The following PELO variants were observed in gnomAD, a reference collection of about 807,000 sequenced individuals.
PELO encodes protein pelota homolog.
PELO carries 19 observed loss-of-function variants against 25.9 expected under a neutral mutation model. The observed-to-expected ratio is 0.73, with a 90% CI of 0.51 to 1.08. PELO has a LOEUF of 1.08. PELO is among the 50% of genes least tolerant of loss of function. The pLI is 0.00. For missense variants in PELO, 498 were observed against 491.4 expected, an observed-to-expected ratio of 1.01 and a Z score of -0.13; for synonymous variants, 196 against 192.2, an observed-to-expected ratio of 1.02 and a Z score of -0.16.
chr5:52,791,391 A>T (rs1343741981), intron 1 of PELO, among the ~76,000 whole-genome samples: 1 of 152,144 alleles, frequency 6.6e-6, no homozygotes, highest in East Asian at 1.9e-4. Context: ...TAGTTATGGG[A>T]GGGTGGCCAT....
intron 1 of PELO, among the ~76,000 whole-genome samples, chr5:52,792,742 C>T (rs906067981): frequency 2.0e-5 from 3 of 152,054 alleles, no homozygotes; most frequent in Non-Finnish European, 4.4e-5. Flanking sequence ...TATTCTTTAC[C>T]TACACTTCTC....
intron 1 of PELO, among the ~76,000 whole-genome samples, chr5:52,790,601 T>C (rs1748219028): frequency 6.6e-6 from 1 of 152,220 alleles, no homozygotes; most frequent in Admixed American, 6.5e-5. Context: ...GGTAGAATCT[T>C]CAGATCTTCC....
chr5:52,796,963 G>A (rs1468021918), intron 1 of PELO, among the ~76,000 whole-genome samples: 4 of 152,056 alleles, frequency 2.6e-5, no homozygotes, highest in Non-Finnish European at 5.9e-5. Flanking sequence ...AGGGAACAAA[G>A]GTTACTTTCA....
Position 52,789,576 on chromosome 5 carries a change from C to A in PELO, c.-511+1162C>A, listed in dbSNP as rs376201319. On this transcript the variant is annotated intron_variant, in intron 1 of 2. Coordinates refer to ENST00000274311, the MANE Select transcript of PELO (RefSeq NM_015946.5). ...TAATAATTAGCTACTGGCTTTTCAT[C>A]CAAACATTTCCCACTACTCAGGAAA... Among the ~76,000 whole-genome samples, 6 of 152,294 alleles carry A rather than the reference C, an allele frequency of 3.9e-5. No homozygotes were observed. In the East Asian group the frequency reaches 1.2e-3, roughly 29 times the overall value.
Position 52,801,484 on chromosome 5 carries a change from G to C in PELO, c.802G>C (p.Asp268His). Residue 268 changes from aspartate to histidine, a missense_variant, in exon 3 of 3, where the codon GAC becomes CAC. Physicochemically the swap from Asp to His is moderately conservative, Grantham distance 81 (BLOSUM62 -1). Transcript: ENST00000274311. ...CDPTVASRLS[D>H]TKAAGEVKAL... is the part of the protein sequence containing the mutation. The stretch of plus-strand genomic sequence containing the variant: ...CCCTACTGTGGCTAGCCGCCTTTCA[G>C]ACACTAAAGCTGCTGGGGAAGTCAA... 1 of 1,614,098 alleles carries C rather than the reference G, an allele frequency of 6.2e-7. No homozygotes were observed. Among genetic ancestry groups the C allele is most frequent in the Non-Finnish European group, 8.5e-7 (1 of 1,179,972 alleles).
Position 52,788,365 on chromosome 5 carries a change from G to A in PELO, c.-560G>A. 2 of 1,511,290 alleles carry A rather than the reference G, an allele frequency of 1.3e-6. No homozygotes were observed. The highest frequency in any genetic ancestry group is 1.4e-5 in the African/African-American group (1 of 69,618). The allele number at this position is 1,511,290 out of a possible 1,614,324, so 93.6% of individuals were successfully genotyped here. On this transcript the variant is annotated 5_prime_UTR_variant, in exon 1 of 3. Coordinates refer to ENST00000274311, the MANE Select transcript of PELO (RefSeq NM_015946.5). ...AGGCTGCTCCGGCCATGGCCCCTCG[G>A]CCCCGCGCCCGCCCAGGGGTCGCTG... is the stretch of plus-strand genomic sequence containing the variant.
chr5:52,797,956 A>G (rs1748377191), intron 1 of PELO, among the ~76,000 whole-genome samples: 1 of 152,172 alleles, frequency 6.6e-6, no homozygotes, highest in South Asian at 2.1e-4. Flanking sequence ...AGACTATGGG[A>G]AAGATAAATT....
rs1447210749 is a variant in PELO at position 52,788,162 on chromosome 5, G to A, written c.-763G>A. 6.6e-6 allele frequency: 3 copies of A among 457,784 alleles called. No homozygotes were observed. Among genetic ancestry groups the A allele is most frequent in the Non-Finnish European group, 1.2e-5 (3 of 257,594 alleles). The allele number at this position is 457,784 out of a possible 1,614,324, so 28.4% of individuals were successfully genotyped here. A position where few individuals can be genotyped will look rare whatever the true frequency, so the allele number is the denominator to read the frequency against. On this transcript the variant is annotated 5_prime_UTR_variant, in exon 1 of 3. Transcript: ENST00000274311. ...ATCCGTCTGGGATGTGAAAAGCGTG[G>A]AGCGCATTTAGAGGAATTCGACGAA...
rs202063626 is a variant in PELO, at chr5:52,800,788, G to A, written c.394G>A (p.Ala132Thr). ...GCGCATCGAGCAGGCCTGTGACCCA[G>A]CCTGGAGCGCTGATGTGGCGGCTGT... ...LERIEQACDP[A>T]WSADVAAVVM... Residue 132 changes from alanine to threonine, a missense_variant, in exon 2 of 3, where the codon GCC becomes ACC. Physicochemically the swap from Ala to Thr is moderately conservative, Grantham distance 58 (BLOSUM62 0). Coordinates refer to ENST00000274311, the MANE Select transcript of PELO (RefSeq NM_015946.5). 2 of 1,613,600 alleles carry A rather than the reference G, an allele frequency of 1.2e-6. No homozygotes were observed. Among genetic ancestry groups the A allele is most frequent in the Non-Finnish European group, 1.7e-6 (2 of 1,179,614 alleles).
In PELO at chr5:52,800,796, C is replaced by T. The variant is rs1748460383; in HGVS notation, c.402C>T (p.Ser134=). 6.2e-7 allele frequency: 1 copy of T among 1,612,802 alleles called. No individual in the cohort carries two copies. The highest frequency in any genetic ancestry group is 8.5e-7 in the Non-Finnish European group (1 of 1,179,110). The change falls in exon 2 of 3, where the codon AGC becomes AGT. Residue 134 remains serine, a synonymous_variant. Coordinates refer to ENST00000274311, the MANE Select transcript of PELO (RefSeq NM_015946.5). The part of the protein sequence containing the change: ...RIEQACDPAW[S]ADVAAVVMQE... ...AGCAGGCCTGTGACCCAGCCTGGAG[C>T]GCTGATGTGGCGGCTGTGGTCATGC...
rs746771194 is a variant in PELO, at chr5:52,801,862, A to G, written c.*22A>G. On this transcript the variant is annotated 3_prime_UTR_variant, in exon 3 of 3. Coordinates refer to ENST00000274311, the MANE Select transcript of PELO (RefSeq NM_015946.5). Reference sequence around the variant, plus strand: ...TTAATGATTGAAACTTAAAATTGAGACAATCTTGTGTTTCCTAAACTGTTA... The same window carrying G: ...TTAATGATTGAAACTTAAAATTGAGGCAATCTTGTGTTTCCTAAACTGTTA... 1 of 1,528,180 alleles carries G rather than the reference A, an allele frequency of 6.5e-7. No individual in the cohort carries two copies. Among genetic ancestry groups the G allele is most frequent in the Non-Finnish European group, 8.9e-7 (1 of 1,128,676 alleles). The allele number at this position is 1,528,180 out of a possible 1,614,324, so 94.7% of individuals were successfully genotyped here. A position where few individuals can be genotyped will look rare whatever the true frequency, so the allele number is the denominator to read the frequency against.
At position 52,800,556 on chromosome 5, in the gene PELO, C is replaced by T. The variant is rs774441545; in HGVS notation, c.162C>T (p.Gly54=). The stretch of plus-strand genomic sequence containing the variant: ...AGGTACAGACAGAGTCCTCCACGGG[C>T]AGCGTGGGCAGCAACCGGGTCCGCA... ...IRKVQTESST[G]SVGSNRVRTT... The change falls in exon 2 of 3, where the codon GGC becomes GGT. Residue 54 remains glycine, a synonymous_variant. Transcript: ENST00000274311. 4 of 1,613,604 alleles carry T rather than the reference C, an allele frequency of 2.5e-6. No homozygotes were observed. The highest frequency in any genetic ancestry group is 3.4e-6 in the Non-Finnish European group (4 of 1,179,692).
At position 52,801,939 on chromosome 5, in the gene PELO, T is replaced by G. The variant is rs180858769; in HGVS notation, c.*99T>G. ...CAGAAAGCTGCAAGAATGGCACTTT[T>G]TGATTCATACAGGGATTTCTTATGT... On this transcript the variant is annotated 3_prime_UTR_variant, in exon 3 of 3. Coordinates refer to ENST00000274311, the MANE Select transcript of PELO (RefSeq NM_015946.5). 334 of 835,018 alleles carry G rather than the reference T, an allele frequency of 4.0e-4. 2 individuals carry two copies. In the East Asian group the frequency reaches 8.3e-3, roughly 21 times the overall value. 51.7% of individuals were successfully genotyped at this position (835,018 alleles called of 1,614,324 possible).
At chr5:52,789,482 G>A (rs1056016218) in intron 1 of PELO, among the ~76,000 whole-genome samples, 1 of 152,194 alleles carries the variant, frequency 6.6e-6, no homozygotes, top group Admixed American at 6.5e-5. Flanking sequence ...TAAGTTTTAT[G>A]AAGATGATTT....
rs1261840852 is a variant in PELO, at chr5:52,801,877, CTAAACTGTTACAG to C, written c.*40_*52del. 1 of 1,463,510 alleles carries C rather than the reference CTAAACTGTTACAG, an allele frequency of 6.8e-7. No homozygotes were observed. The highest frequency in any genetic ancestry group is 1.4e-5 in the African/African-American group (1 of 71,632). 90.7% of individuals were successfully genotyped at this position (1,463,510 alleles called of 1,614,324 possible). On this transcript the variant is annotated 3_prime_UTR_variant, in exon 3 of 3. Transcript: ENST00000274311. ...TAAAATTGAGACAATCTTGTGTTTC[CTAAACTGTTACAG>C]TACATTTCTCAGCATCCTTGTGACA...
At chr5:52,796,336 A>G (rs1241537667) in intron 1 of PELO, among the ~76,000 whole-genome samples, 2 of 151,948 alleles carry the variant, frequency 1.3e-5, no homozygotes, top group Non-Finnish European at 2.9e-5. Flanking sequence ...TGGAGAGATT[A>G]ATATAAATAA....
intron 1 of PELO, among the ~76,000 whole-genome samples, chr5:52,792,844 G>A (rs1018395306): frequency 6.6e-6 from 1 of 152,160 alleles, no homozygotes; most frequent in Non-Finnish European, 1.5e-5. Flanking sequence ...CAGTGCTAAA[G>A]TCAGAATAGA....
chr5:52,788,580 G>T (rs1339972303), intron 1 of PELO, among the ~76,000 whole-genome samples, 166 bp downstream of exon 1: 1 of 152,216 alleles, frequency 6.6e-6, no homozygotes, highest in African/African-American at 2.4e-5. Flanking sequence ...GGAGTTTCGC[G>T]TTCTGGTTTT....
rs556146280 is a variant in PELO, at chr5:52,800,146, G to T, written c.-249G>T. The T allele has an allele frequency of 1.2e-4, 64 of 534,538 alleles. No individual in the cohort carries two copies. The highest frequency in any genetic ancestry group is 1.9e-4 in the Non-Finnish European group (57 of 295,768). 33.1% of individuals were successfully genotyped at this position (534,538 alleles called of 1,614,324 possible). ...TGCCAGCGGGAACTGTGTAGGGGTA[G>T]ATTTTCGCTGCAGTGTTCCCCGAGC... On this transcript the variant is annotated 5_prime_UTR_variant, in exon 2 of 3. Transcript: ENST00000274311.
Sources: gnomAD v4.1 joint callset for allele counts (sites outside exome capture counted in the v4.1 genomes callset) on GRCh38, gnomAD v4.1.1 for gene constraint, MANE v1.5 for transcripts, NCBI Gene and HGNC (gene_info 2026-07-23, HGNC 2026-07-21) for gene names.